Variants in SERPINB5 observed in about 807,000 individuals in gnomAD.
SERPINB5 encodes serpin family B member 5.
Under a neutral mutation model 32.2 loss-of-function variants are expected in SERPINB5, and 27 were observed. That is an observed-to-expected ratio of 0.84 (90% CI 0.62 to 1.16). The LOEUF (loss-of-function observed/expected upper bound fraction) is 1.16. Ranked by LOEUF, SERPINB5 falls within the 50% of genes most tolerant of loss-of-function variation. The pLI is 0.00. For synonymous variants in SERPINB5, 154 were observed against 157.4 expected, an observed-to-expected ratio of 0.98 and a Z score of 0.16; for missense variants, 388 against 436.3, an observed-to-expected ratio of 0.89 and a Z score of 0.99.
At chr18:63,478,195 T>A (rs923045860) in intron 1 of SERPINB5, among the ~76,000 whole-genome samples, 1 of 152,190 alleles carries the variant, frequency 6.6e-6, no homozygotes, top group Non-Finnish European at 1.5e-5. Flanking sequence ...ATTGTGCCAC[T>A]TCAATCCCTC....
intron 4 of SERPINB5, among the ~76,000 whole-genome samples, chr18:63,492,227 T>C (rs1254867079): frequency 6.6e-6 from 1 of 152,234 alleles, no homozygotes; most frequent in African/African-American, 2.4e-5. Context: ...GCAATTGTGA[T>C]TGAGCCCTAT....
At chr18:63,485,205 G>T (rs1449603567) in intron 2 of SERPINB5, among the ~76,000 whole-genome samples, 3 of 152,092 alleles carry the variant, frequency 2.0e-5, no homozygotes, top group Admixed American at 2.0e-4. Context: ...AAATCAAGCA[G>T]CATCTGTATC....
At chr18:63,479,765 T>G (rs1157237264) in intron 1 of SERPINB5, among the ~76,000 whole-genome samples, 1 of 152,116 alleles carries the variant, frequency 6.6e-6, no homozygotes, top group East Asian at 1.9e-4. Flanking sequence ...AGTTAATACT[T>G]ACTAGATGAA....
intron 6 of SERPINB5, among the ~76,000 whole-genome samples, 197 bp downstream of exon 6, chr18:63,499,484 AC>A (rs1909527052): frequency 2.6e-5 from 4 of 152,190 alleles, no homozygotes. Context: ...TTTATTTGGC[AC>A]TTACAGTGTT....
intron 2 of SERPINB5, among the ~76,000 whole-genome samples, chr18:63,484,866 G>A (rs561937405): frequency 2.9e-4 from 44 of 149,296 alleles, no homozygotes; most frequent in African/African-American, 9.9e-4. Flanking sequence ...TCAGCCTGCC[G>A]AGTAGCTGGG....
rs776430880 is a variant in SERPINB5, at chr18:63,503,420, T to C, written c.826T>C (p.Phe276Leu). ...NAKVKLSIPK[F>L]KVEKMIDPKA... ...CAAGGTCAAACTCTCCATTCCAAAATTTAAGGTGGAAAAGATGATTGATCC... is the reference window on the plus strand; with the variant it reads ...CAAGGTCAAACTCTCCATTCCAAAACTTAAGGTGGAAAAGATGATTGATCC... The change falls in exon 7 of 7, where the codon TTT becomes CTT. Residue 276 changes from phenylalanine to leucine, a missense_variant. By Grantham distance (22) the Phe-to-Leu change is conservative. Coordinates refer to ENST00000382771, the MANE Select transcript of SERPINB5 (RefSeq NM_002639.5). 1.1e-5 allele frequency: 18 copies of C among 1,614,180 alleles called. No individual in the cohort carries two copies. Among genetic ancestry groups the C allele is most frequent in the Non-Finnish European group, 1.5e-5 (18 of 1,180,036 alleles).
chr18:63,480,825 C>T (rs1289438121), intron 1 of SERPINB5, among the ~76,000 whole-genome samples: 1 of 152,184 alleles, frequency 6.6e-6, no homozygotes. Context: ...ACAACCTTTT[C>T]CATGTACAGA....
Position 63,491,621 on chromosome 18 carries a change from C to G in SERPINB5, c.425-1332C>G, listed in dbSNP as rs190729256. ...TCCCAAGTAGCTGGGGCTACAGGTG[C>G]GTGCCACTACGCCCAGCTAATCTTT... On this transcript the variant is annotated intron_variant, in intron 4 of 6. Transcript: ENST00000382771. Among the ~76,000 whole-genome samples, 7 of 151,648 alleles carry G rather than the reference C, an allele frequency of 4.6e-5. No individual in the cohort carries two copies. In the East Asian group the frequency reaches 9.9e-4, roughly 22 times the overall value.
chr18:63,488,635 T>C (rs1466672835), intron 3 of SERPINB5, among the ~76,000 whole-genome samples: 3 of 152,176 alleles, frequency 2.0e-5, no homozygotes, highest in Non-Finnish European at 4.4e-5. Context: ...TCAGGCCCTT[T>C]TAACACCCAG....
At chr18:63,490,388 C>A (rs924298384) in intron 4 of SERPINB5, among the ~76,000 whole-genome samples, 1 of 151,996 alleles carries the variant, frequency 6.6e-6, no homozygotes, top group Non-Finnish European at 1.5e-5. Context: ...GAGTCGTCTT[C>A]CTTGCTGGAA....
intron 6 of SERPINB5, among the ~76,000 whole-genome samples, chr18:63,501,090 A>G (rs1439172526): frequency 6.6e-6 from 1 of 151,750 alleles, no homozygotes; most frequent in Non-Finnish European, 1.5e-5. Context: ...CATGTGCACA[A>G]TGTGCAGGTT....
At position 63,499,047 on chromosome 18, in the gene SERPINB5, GTATATA is replaced by G. The variant is rs55944702; in HGVS notation, c.568-57_568-52del. On this transcript the variant is annotated intron_variant, in intron 5 of 6. Coordinates refer to ENST00000382771, the MANE Select transcript of SERPINB5 (RefSeq NM_002639.5). ...TGTGTGTGTGTGTGCGCGCGTGTGT[GTATATA>G]TATATATATATATATTTATGCATGT... The G allele has an allele frequency of 2.6e-3, 1,287 of 495,340 alleles. 5 individuals carry two copies. Among genetic ancestry groups the G allele is most frequent in the South Asian group, 6.2e-3 (114 of 18,414 alleles). 30.7% of individuals were successfully genotyped at this position (495,340 alleles called of 1,614,324 possible). A position where few individuals can be genotyped will look rare whatever the true frequency, so the allele number is the denominator to read the frequency against.
chr18:63,479,701 G>A (rs752715044), intron 1 of SERPINB5, among the ~76,000 whole-genome samples: 6 of 152,072 alleles, frequency 3.9e-5, no homozygotes, highest in Non-Finnish European at 7.3e-5. Context: ...GGAGGCAGGG[G>A]CTATGTCGTT....
chr18:63,503,866 C>A lies in SERPINB5; in HGVS notation c.*144C>A. The stretch of plus-strand genomic sequence containing the variant: ...AGCCGCCAGTACTTGTCATATGTAG[C>A]CTTCACACAGATAGACCTTTTTTTT... On this transcript the variant is annotated 3_prime_UTR_variant, in exon 7 of 7. Transcript: ENST00000382771. The A allele has an allele frequency of 1.3e-6, 1 of 784,556 alleles. No individual in the cohort carries two copies. 48.6% of individuals were successfully genotyped at this position (784,556 alleles called of 1,614,324 possible). A position where few individuals can be genotyped will look rare whatever the true frequency, so the allele number is the denominator to read the frequency against.
chr18:63,483,732 T>G (rs919066304), intron 1 of SERPINB5, among the ~76,000 whole-genome samples: 2 of 152,256 alleles, frequency 1.3e-5, no homozygotes, highest in Admixed American at 6.5e-5. Context: ...AAGACATTTG[T>G]GTCTTCACAT....
intron 1 of SERPINB5, among the ~76,000 whole-genome samples, chr18:63,479,647 A>C (rs1463776529): frequency 6.6e-6 from 1 of 152,154 alleles, no homozygotes; most frequent in African/African-American, 2.4e-5. Context: ...GGTGCTCATC[A>C]AAACACTTAA....
rs1568108401 is a variant in SERPINB5 at position 63,484,740 on chromosome 18, T to TA, written c.168+144_168+145insA. The TA allele has an allele frequency of 4.7e-4, 178 of 375,364 alleles. 2 individuals carry two copies. In the African/African-American group the frequency reaches 4.8e-3, roughly 10 times the overall value. The allele number at this position is 375,364 out of a possible 1,614,324, so 23.3% of individuals were successfully genotyped here. A position where few individuals can be genotyped will look rare whatever the true frequency, so the allele number is the denominator to read the frequency against. ...CTGTGCCATTCCAGGACTCTCTTAA[T>TA]CTTTTTTTTTTTTTTTTTTTTTTGT... On this transcript the variant is annotated intron_variant, in intron 2 of 6. Transcript: ENST00000382771.
At chr18:63,499,489 C>G (rs1203334696) in intron 6 of SERPINB5, among the ~76,000 whole-genome samples, 2 of 152,188 alleles carry the variant, frequency 1.3e-5, no homozygotes, top group Non-Finnish European at 2.9e-5. Context: ...TTGGCACTTA[C>G]AGTGTTCTAG....
intron 5 of SERPINB5, chr18:63,497,482 T>C (rs900757293): frequency 8.1e-6 from 4 of 496,284 alleles, no homozygotes; most frequent in South Asian, 2.3e-5. Flanking sequence ...AGCTTTACCA[T>C]TGAACACAAC....
Sources: allele counts gnomAD v4.1 joint callset (sites outside exome capture counted in the v4.1 genomes callset), GRCh38; gene constraint gnomAD v4.1.1; transcripts MANE v1.5; gene names NCBI Gene and HGNC (gene_info 2026-07-23, HGNC 2026-07-21).